The following DPP4 variants were observed in gnomAD, a reference collection of about 807,000 sequenced individuals.
The protein encoded by DPP4 is ADCP-2.
In DPP4, 93 loss-of-function variants were observed where a neutral mutation model predicts 122.4. The ratio of observed to expected loss-of-function variants is 0.76; its 90% confidence interval spans 0.64 to 0.90. The LOEUF (loss-of-function observed/expected upper bound fraction) is 0.90. Among genes scored for constraint, DPP4 ranks in the 40% least tolerant of loss-of-function variants. DPP4 has a pLI of 0.00. For synonymous variants in DPP4, 321 were observed against 302.9 expected (o/e 1.06, Z -0.62); for missense variants, 914 against 907.3 (o/e 1.01, Z -0.09).
chr2:162,011,095 AC>A (rs1300560308), intron 20 of DPP4, among the ~76,000 whole-genome samples: 2 of 152,030 alleles, frequency 1.3e-5, no homozygotes, highest in Non-Finnish European at 2.9e-5. Flanking sequence ...AAGAACACCC[AC>A]CTCTCGGGGC....
At chr2:162,056,123 C>T (rs1220815595) in intron 2 of DPP4, among the ~76,000 whole-genome samples, 2 of 152,188 alleles carry the variant, frequency 1.3e-5, no homozygotes, top group East Asian at 1.9e-4. Context: ...GCCTTCTTCC[C>T]CATGGAATTC....
At chr2:162,007,494 A>G (rs936395256) in intron 22 of DPP4, among the ~76,000 whole-genome samples, 14 of 152,148 alleles carry the variant, frequency 9.2e-5, no homozygotes, top group African/African-American at 2.9e-4. Context: ...CTTTTGTCCC[A>G]TCTTTGAATA....
intron 2 of DPP4, among the ~76,000 whole-genome samples, chr2:162,055,724 A>ATT (rs1285113101): frequency 2.6e-5 from 4 of 152,136 alleles, no homozygotes; most frequent in African/African-American, 2.4e-5. Flanking sequence ...TGATAAATGC[A>ATT]TTGCCATCTA....
intron 9 of DPP4, 67 bp from the exon 10 acceptor site, chr2:162,033,720 T>C: frequency 9.3e-7 from 1 of 1,069,732 alleles, no homozygotes; most frequent in South Asian, 1.5e-5. Context: ...GCACACATTT[T>C]AAAACTGCAC....
intron 2 of DPP4, among the ~76,000 whole-genome samples, chr2:162,056,484 A>G (rs1457720820): frequency 1.3e-5 from 2 of 152,252 alleles, no homozygotes; most frequent in African/African-American, 2.4e-5. Flanking sequence ...CAGAGTGAGC[A>G]CAGGAGCCTC....
At chr2:162,021,040 G>C (rs1683107794) in intron 12 of DPP4, among the ~76,000 whole-genome samples, 1 of 152,152 alleles carries the variant, frequency 6.6e-6, no homozygotes, top group Non-Finnish European at 1.5e-5. Flanking sequence ...TTTCAGTTTG[G>C]AGCAGTAAAT....
chr2:161,993,185 T>C lies in DPP4; in HGVS notation c.*98A>G, dbSNP rs200361054. 4.2e-6 allele frequency: 4 copies of C among 943,660 alleles called. No homozygotes were observed. The highest frequency in any genetic ancestry group is 6.7e-6 in the Non-Finnish European group (4 of 598,788). The allele number at this position is 943,660 out of a possible 1,614,324, so 58.5% of individuals were successfully genotyped here. ...CCTTAAGTTTCTTGATTTGAGTGTGTATTTTAAAGATCATCATCATCTTGA... is the reference window on the plus strand; with the variant it reads ...CCTTAAGTTTCTTGATTTGAGTGTGCATTTTAAAGATCATCATCATCTTGA... On this transcript the variant is annotated 3_prime_UTR_variant, in exon 26 of 26. Transcript: ENST00000360534.
At chr2:161,993,495 T>A (rs1700916719) in intron 25 of DPP4, 111 bp from the exon 26 acceptor site, 1 of 724,810 alleles carries the variant, frequency 1.4e-6, no homozygotes, top group African/African-American at 1.8e-5. Context: ...TAAAACAGAG[T>A]GTTTTAATTC....
intron 8 of DPP4, among the ~76,000 whole-genome samples, chr2:162,036,969 T>C (rs1683799458): frequency 6.6e-6 from 1 of 152,240 alleles, no homozygotes; most frequent in South Asian, 2.1e-4. Context: ...ATAAAATCAA[T>C]ATAATCAGAC....
At chr2:162,066,503 A>G (rs1684952393) in intron 2 of DPP4, among the ~76,000 whole-genome samples, 2 of 152,154 alleles carry the variant, frequency 1.3e-5, no homozygotes, top group African/African-American at 4.8e-5. Context: ...GATTTCTGTC[A>G]TAGCATTTAT....
chr2:162,059,962 T>C lies in DPP4; in HGVS notation c.95-12461A>G, dbSNP rs563973731. 3.3e-5 allele frequency among the ~76,000 whole-genome samples: 5 copies of C among 152,306 alleles called. No homozygotes were observed. In the South Asian group the frequency reaches 1.0e-3, roughly 32 times the overall value. On this transcript the variant is annotated intron_variant, in intron 2 of 25. Coordinates refer to ENST00000360534, the MANE Select transcript of DPP4 (RefSeq NM_001935.4). ...TGTAGACTTTCAACCCACTTATTCTTCTTATGCTCATTCCCATTTTACAAA... is the reference window on the plus strand; with the variant it reads ...TGTAGACTTTCAACCCACTTATTCTCCTTATGCTCATTCCCATTTTACAAA...
At chr2:162,022,119 TTCA>T (rs1683154543) in intron 12 of DPP4, among the ~76,000 whole-genome samples, 1 of 152,194 alleles carries the variant, frequency 6.6e-6, no homozygotes, top group Non-Finnish European at 1.5e-5. Flanking sequence ...CTGGAGTTCC[TTCA>T]TCAACTCATT....
intron 23 of DPP4, among the ~76,000 whole-genome samples, chr2:162,002,925 G>A (rs144883421): frequency 0.01 from 1,563 of 152,270 alleles, 18 homozygotes; most frequent in Non-Finnish European, 0.013. Flanking sequence ...TCCACATTTC[G>A]GAGGAAGCAA....
chr2:162,008,199 A>G (rs1275672326), intron 22 of DPP4, among the ~76,000 whole-genome samples: 1 of 152,244 alleles, frequency 6.6e-6, no homozygotes. Context: ...TGTATTTGAC[A>G]TTTAATTGAT....
In DPP4 at chr2:161,995,335, T is replaced by TGTTTAAA; in HGVS notation, c.2083_2089dup (p.Gln697LeufsTer2). 1 of 1,614,078 alleles carries TGTTTAAA rather than the reference T, an allele frequency of 6.2e-7. No individual in the cohort carries two copies. Among genetic ancestry groups the TGTTTAAA allele is most frequent in the South Asian group, 1.1e-5 (1 of 91,072 alleles). On this transcript the variant is annotated stop_gained and frameshift_variant, in exon 24 of 26. Coordinates refer to ENST00000360534, the MANE Select transcript of DPP4 (RefSeq NM_001935.4). LOFTEE classifies it high-confidence loss of function. The stretch of plus-strand genomic sequence containing the variant: ...TCCATGAATAAGGAGGTACTCAACT[T>TGTTTAAA]GTTTAAAATTTTCAGCTCTGCTCAT...
At chr2:162,073,737 GCGTT>G in intron 1 of DPP4, 3 of 696,844 alleles carry the variant, frequency 4.3e-6, no homozygotes, top group Non-Finnish European at 7.2e-6. Flanking sequence ...GTTCGGGCGT[GCGTT>G]CTGTGAGTGG....
At chr2:162,051,517 T>G (rs1031304779) in intron 2 of DPP4, among the ~76,000 whole-genome samples, 1 of 152,230 alleles carries the variant, frequency 6.6e-6, no homozygotes, top group African/African-American at 2.4e-5. Context: ...GGCACATAAC[T>G]GTGGAAAGTT....
At chr2:162,063,789 G>T (rs1684862408) in intron 2 of DPP4, among the ~76,000 whole-genome samples, 1 of 152,166 alleles carries the variant, frequency 6.6e-6, no homozygotes, top group African/African-American at 2.4e-5. Context: ...GGTAAAGAGA[G>T]CAGAGAAAGG....
rs145529637 is a variant in DPP4, at chr2:161,993,382, C to A, written c.2202G>T (p.Trp734Cys). ...CTATTCCATGGTCTTCATCAGTATACCACTAGAGAGAGAAAGAAAAGAAGT... is the reference window on the plus strand; with the variant it reads ...CTATTCCATGGTCTTCATCAGTATAACACTAGAGAGAGAAAGAAAAGAAGT... Reference protein sequence around the residue: ...VDVGVDFQAMWYTDEDHGIAS... With the variant: ...VDVGVDFQAMCYTDEDHGIAS... Residue 734 changes from tryptophan to cysteine, a missense_variant and splice_region_variant, in exon 26 of 26, where the codon TGG becomes TGT. Coordinates refer to ENST00000360534, the MANE Select transcript of DPP4 (RefSeq NM_001935.4). 2.0e-4 allele frequency: 319 copies of A among 1,605,376 alleles called. No individual in the cohort carries two copies. The highest frequency in any genetic ancestry group is 2.6e-4 in the Non-Finnish European group (303 of 1,173,084).
Sources: allele counts gnomAD v4.1 joint callset (sites outside exome capture counted in the v4.1 genomes callset), GRCh38; gene constraint gnomAD v4.1.1; transcripts MANE v1.5; gene names NCBI Gene and HGNC (gene_info 2026-07-23, HGNC 2026-07-21).